The following NLGN1 variants were observed in gnomAD, a reference collection of about 807,000 sequenced individuals.
The protein encoded by NLGN1 is neuroligin 1.
In NLGN1, 12 loss-of-function variants were observed where a neutral mutation model predicts 65.5. The ratio of observed to expected loss-of-function variants is 0.18; its 90% confidence interval spans 0.12 to 0.30. The LOEUF (loss-of-function observed/expected upper bound fraction) is 0.30. Among genes scored for constraint, NLGN1 ranks in the 10% least tolerant of loss-of-function variants. NLGN1 has a pLI of 1.00. For missense variants in NLGN1, 750 were observed against 1,007.1 expected (o/e 0.74, Z 3.46); for synonymous variants, 350 against 359.5 (o/e 0.97, Z 0.30).
At chr3:173,724,531 G>A (rs931008931) in intron 3 of NLGN1, 4 of 157,942 alleles carry the variant, frequency 2.5e-5, no homozygotes, top group South Asian at 1.6e-4. Flanking sequence ...CCACCTCAGC[G>A]TCCAAAAGCG....
chr3:173,609,176 T>C (rs1269869276), intron 3 of NLGN1, among the ~76,000 whole-genome samples: 3 of 151,996 alleles, frequency 2.0e-5, no homozygotes, highest in African/African-American at 7.2e-5. Context: ...ATGGATTCTC[T>C]AGAGTTGTGT....
chr3:173,533,139 C>T (rs971614224), intron 2 of NLGN1, among the ~76,000 whole-genome samples: 3 of 152,152 alleles, frequency 2.0e-5, no homozygotes, highest in Non-Finnish European at 4.4e-5. Flanking sequence ...ATCTTTAGAA[C>T]AACCTTACAT....
At chr3:174,179,720 G>A (rs1290242924) in intron 4 of NLGN1, among the ~76,000 whole-genome samples, 1 of 152,042 alleles carries the variant, frequency 6.6e-6, no homozygotes, top group African/African-American at 2.4e-5. Flanking sequence ...TAGAAAAATT[G>A]AATATTTCTG....
chr3:173,791,707 A>G (rs1243772391), intron 3 of NLGN1, among the ~76,000 whole-genome samples: 2 of 151,646 alleles, frequency 1.3e-5, no homozygotes, highest in African/African-American at 2.4e-5. Flanking sequence ...CCCACACCCA[A>G]TTTTTCCTTT....
chr3:174,046,608 G>A (rs1471215241), intron 4 of NLGN1, among the ~76,000 whole-genome samples: 1 of 152,074 alleles, frequency 6.6e-6, no homozygotes, highest in Non-Finnish European at 1.5e-5. Context: ...AAGGAATAAA[G>A]ATAACAATCT....
intron 3 of NLGN1, among the ~76,000 whole-genome samples, chr3:173,674,674 T>G (rs1762891041): frequency 6.6e-6 from 1 of 152,168 alleles, no homozygotes; most frequent in Admixed American, 6.6e-5. Context: ...CAATAGTATA[T>G]TAAGGATTGA....
At chr3:173,690,106 G>A (rs879189156) in intron 3 of NLGN1, among the ~76,000 whole-genome samples, 3 of 152,126 alleles carry the variant, frequency 2.0e-5, no homozygotes, top group African/African-American at 7.2e-5. Context: ...AAAAGTGGTA[G>A]CAGGACTCCA....
chr3:173,750,272 G>A lies in NLGN1; in HGVS notation c.494-57408G>A, dbSNP rs369835719. On this transcript the variant is annotated intron_variant, in intron 3 of 6. Coordinates refer to ENST00000457714, the Ensembl canonical transcript of NLGN1. ...CTTTTTCATGTTGTCCAGGCTATGT[G>A]ACTGTATTTTACTTCGTGTTAGTGA... 4.1e-4 allele frequency among the ~76,000 whole-genome samples: 62 copies of A among 152,158 alleles called. No individual in the cohort carries two copies. The South Asian group carries it at 0.012, about 30-fold the overall frequency.
chr3:174,117,215 CAA>C (rs369227549), intron 4 of NLGN1, among the ~76,000 whole-genome samples: 80 of 137,102 alleles, frequency 5.8e-4, no homozygotes, highest in African/African-American at 1.5e-3. Flanking sequence ...AGGCATCTAT[CAA>C]AAAAAAAAAA....
chr3:173,419,101 C>T (rs1416620891), intron 1 of NLGN1, among the ~76,000 whole-genome samples: 4 of 88,968 alleles, frequency 4.5e-5, no homozygotes, highest in Admixed American at 3.1e-4. Context: ...ATCTATCTAT[C>T]TATCTATATA....
At chr3:173,523,981 C>G (rs1206947752) in intron 2 of NLGN1, among the ~76,000 whole-genome samples, 1 of 144,818 alleles carries the variant, frequency 6.9e-6, no homozygotes, top group Non-Finnish European at 1.5e-5. Flanking sequence ...AGTGCAGTGG[C>G]ACGATCTCGG....
chr3:173,417,181 C>T (rs914155942), intron 1 of NLGN1, among the ~76,000 whole-genome samples: 1 of 151,486 alleles, frequency 6.6e-6, no homozygotes, highest in African/African-American at 2.4e-5. Flanking sequence ...TCTATGGTGT[C>T]GCAAATTACA....
At chr3:173,442,675 A>G (rs1447665632) in intron 2 of NLGN1, among the ~76,000 whole-genome samples, 1 of 152,214 alleles carries the variant, frequency 6.6e-6, no homozygotes. Context: ...ATATTAAAAT[A>G]TTAACTTTTG....
intron 4 of NLGN1, among the ~76,000 whole-genome samples, chr3:173,986,412 T>C (rs904818704): frequency 1.3e-5 from 2 of 151,880 alleles, no homozygotes; most frequent in African/African-American, 2.4e-5. Flanking sequence ...GAGGTTGCAG[T>C]GAGCCGAGAT....
At chr3:173,935,505 G>A (rs958398705) in intron 4 of NLGN1, among the ~76,000 whole-genome samples, 1 of 151,566 alleles carries the variant, frequency 6.6e-6, no homozygotes, top group Non-Finnish European at 1.5e-5. Flanking sequence ...AAAAAATCCA[G>A]TAATGACACT....
intron 2 of NLGN1, among the ~76,000 whole-genome samples, chr3:173,463,707 T>G (rs756143065): frequency 6.6e-6 from 1 of 152,130 alleles, no homozygotes; most frequent in Non-Finnish European, 1.5e-5. Flanking sequence ...GTGGATTGTC[T>G]TCTAATACTT....
chr3:173,776,709 C>A (rs537536150), intron 3 of NLGN1, among the ~76,000 whole-genome samples: 1 of 151,842 alleles, frequency 6.6e-6, no homozygotes, highest in African/African-American at 2.4e-5. Context: ...GTTTATTTTC[C>A]TCCGTATATA....
At chr3:174,127,161 A>G (rs1719116842) in intron 4 of NLGN1, among the ~76,000 whole-genome samples, 1 of 152,174 alleles carries the variant, frequency 6.6e-6, no homozygotes, top group African/African-American at 2.4e-5. Flanking sequence ...CAAGCTTAAT[A>G]TCTTGGAATA....
chr3:173,898,830 AACTAC>A (rs1452827126), intron 4 of NLGN1, among the ~76,000 whole-genome samples: 1 of 152,152 alleles, frequency 6.6e-6, no homozygotes, highest in Non-Finnish European at 1.5e-5. Context: ...AGACCTCATA[AACTAC>A]ATTGGATTAA....
Sources: gnomAD v4.1 joint callset for allele counts (sites outside exome capture counted in the v4.1 genomes callset) on GRCh38, gnomAD v4.1.1 for gene constraint, MANE v1.5 for transcripts, NCBI Gene and HGNC (gene_info 2026-07-23, HGNC 2026-07-21) for gene names.